MAPK4: variants seen among roughly 807,000 people sequenced by gnomAD.
MAPK4 encodes the protein Erk3-related.
Under a neutral mutation model 47.7 loss-of-function variants are expected in MAPK4, and 22 were observed. The ratio of observed to expected loss-of-function variants is 0.46; its 90% CI spans 0.33 to 0.66. MAPK4 has a LOEUF of 0.66. Among genes scored for constraint, MAPK4 ranks in the 30% least tolerant of loss-of-function variants. The pLI, the probability that MAPK4 is intolerant of heterozygous loss-of-function variation, is 0.02. For synonymous variants in MAPK4, 390 were observed against 365.7 expected, an observed-to-expected ratio of 1.07 and a Z score of -0.76; for missense variants, 736 against 831.7, an observed-to-expected ratio of 0.88 and a Z score of 1.42.
intron 1 of MAPK4, among the ~76,000 whole-genome samples, chr18:50,616,692 G>A (rs1364082054): frequency 6.6e-6 from 1 of 152,216 alleles, no homozygotes; most frequent in Non-Finnish European, 1.5e-5. Flanking sequence ...AAGTCCAAGA[G>A]TCCAACAGCT....
At chr18:50,568,371 G>A (rs981575132) in intron 1 of MAPK4, among the ~76,000 whole-genome samples, 1 of 152,132 alleles carries the variant, frequency 6.6e-6, no homozygotes, top group Non-Finnish European at 1.5e-5. Flanking sequence ...TCCTCTTAGT[G>A]GAAGCCAAAT....
chr18:50,675,853 C>G (rs1363270964), intron 2 of MAPK4, among the ~76,000 whole-genome samples: 1 of 152,124 alleles, frequency 6.6e-6, no homozygotes, highest in Admixed American at 6.5e-5. Flanking sequence ...TCTTGAACTC[C>G]TGATCTCAGG....
At chr18:50,630,090 G>A (rs1242490488) in intron 1 of MAPK4, among the ~76,000 whole-genome samples, 3 of 152,188 alleles carry the variant, frequency 2.0e-5, no homozygotes, top group African/African-American at 7.2e-5. Flanking sequence ...GGAGGGGAAC[G>A]CCTAACCCAT....
At chr18:50,647,879 G>T (rs899568791) in intron 1 of MAPK4, among the ~76,000 whole-genome samples, 41 of 152,000 alleles carry the variant, frequency 2.7e-4, no homozygotes, top group Admixed American at 1.8e-3. Flanking sequence ...TCAGGGAAGG[G>T]CACCTTTATG....
In MAPK4 at chr18:50,663,453, G is replaced by A. The variant is rs1423892482; in HGVS notation, c.-506G>A. The A allele has an allele frequency of 6.5e-6, 1 of 152,910 alleles. No individual in the cohort carries two copies. Among genetic ancestry groups the A allele is most frequent in the Non-Finnish European group, 1.5e-5 (1 of 68,604 alleles). The allele number at this position is 152,910 out of a possible 1,614,324, so 9.5% of individuals were successfully genotyped here. The stretch of plus-strand genomic sequence containing the variant: ...GCATACTGCTTGGAACACAGAAAGA[G>A]GCTGTGACACAGCTGAGCTTTGGAG... On this transcript the variant is annotated 5_prime_UTR_variant, in exon 2 of 6. Transcript: ENST00000400384.
intron 1 of MAPK4, among the ~76,000 whole-genome samples, chr18:50,587,203 G>A (rs2042396234): frequency 6.6e-6 from 1 of 152,126 alleles, no homozygotes; most frequent in Non-Finnish European, 1.5e-5. Flanking sequence ...ATTAAGACAT[G>A]GGGCCTTTGG....
intron 1 of MAPK4, among the ~76,000 whole-genome samples, chr18:50,626,517 T>C (rs1453046598): frequency 1.3e-5 from 2 of 152,150 alleles, no homozygotes; most frequent in Non-Finnish European, 2.9e-5. Flanking sequence ...CCGAAGGGGT[T>C]GGTAACCTTT....
chr18:50,712,698 G>GAAAGCCCCCTGTCCCCACTT (rs1910439122), intron 2 of MAPK4, among the ~76,000 whole-genome samples: 2 of 152,140 alleles, frequency 1.3e-5, no homozygotes, highest in Non-Finnish European at 2.9e-5. Flanking sequence ...TGTCCCCACT[G>GAAAGCCCCCTGTCCCCACTT]TTCTTTAACC....
chr18:50,565,733 A>G (rs956293116), intron 1 of MAPK4, among the ~76,000 whole-genome samples: 18 of 152,216 alleles, frequency 1.2e-4, no homozygotes, highest in African/African-American at 4.3e-4. Flanking sequence ...ACTGTGATAC[A>G]GTTGCCTACA....
chr18:50,673,787 C>T (rs753929104), intron 2 of MAPK4, among the ~76,000 whole-genome samples: 14 of 152,004 alleles, frequency 9.2e-5, no homozygotes, highest in Admixed American at 8.5e-4. Context: ...ACCCAGGAGG[C>T]GGAGCTTGCA....
chr18:50,593,276 T>A (rs2042453971), intron 1 of MAPK4, among the ~76,000 whole-genome samples: 1 of 152,256 alleles, frequency 6.6e-6, no homozygotes, highest in African/African-American at 2.4e-5. Context: ...TCATCCATTA[T>A]TGTCAGACAC....
At chr18:50,620,754 T>A (rs921447582) in intron 1 of MAPK4, among the ~76,000 whole-genome samples, 24 of 151,772 alleles carry the variant, frequency 1.6e-4, no homozygotes, top group African/African-American at 3.4e-4. Flanking sequence ...AAATTAAAAA[T>A]ATATATATAT....
chr18:50,578,759 G>C (rs1307347110), intron 1 of MAPK4, among the ~76,000 whole-genome samples: 1 of 152,218 alleles, frequency 6.6e-6, no homozygotes, highest in Non-Finnish European at 1.5e-5. Flanking sequence ...GTAATGGACT[G>C]CTAAAAGGAC....
intron 1 of MAPK4, among the ~76,000 whole-genome samples, chr18:50,599,586 T>G (rs998372990): frequency 1.3e-5 from 2 of 152,002 alleles, no homozygotes; most frequent in Non-Finnish European, 2.9e-5. Flanking sequence ...CCCGGCTAAT[T>G]TTTTGTATTT....
At chr18:50,718,009 C>G (rs983045312) in intron 3 of MAPK4, among the ~76,000 whole-genome samples, 5 of 152,170 alleles carry the variant, frequency 3.3e-5, no homozygotes, top group Non-Finnish European at 5.9e-5. Flanking sequence ...AAGGGCCTCT[C>G]CAGGGAACTT....
intron 1 of MAPK4, among the ~76,000 whole-genome samples, chr18:50,566,453 G>C (rs1486641992): frequency 6.6e-6 from 1 of 152,234 alleles, no homozygotes; most frequent in African/African-American, 2.4e-5. Context: ...GGCGCAAGGA[G>C]CCAGGAGCTC....
At chr18:50,729,106 G>A (rs998115961) in intron 5 of MAPK4, 52 bp from the exon 6 acceptor site, 7 of 1,471,738 alleles carry the variant, frequency 4.8e-6, no homozygotes, top group African/African-American at 2.8e-5. Flanking sequence ...GCTCCCTCCC[G>A]GAAGCTACCT....
At chr18:50,719,408 C>T (rs1910812473) in intron 3 of MAPK4, among the ~76,000 whole-genome samples, 2 of 152,094 alleles carry the variant, frequency 1.3e-5, no homozygotes, top group African/African-American at 4.8e-5. Context: ...AGCCATCCTG[C>T]TATCTTATTT....
chr18:50,696,002 C>T (rs1393359864), intron 2 of MAPK4, among the ~76,000 whole-genome samples: 1 of 151,896 alleles, frequency 6.6e-6, no homozygotes, highest in Non-Finnish European at 1.5e-5. Context: ...AACCCAGCCT[C>T]AGAGCTTGTG....
Sources: gnomAD v4.1 joint callset for allele counts (sites outside exome capture counted in the v4.1 genomes callset) on GRCh38, gnomAD v4.1.1 for gene constraint, MANE v1.5 for transcripts, NCBI Gene and HGNC (gene_info 2026-07-23, HGNC 2026-07-21) for gene names.